SOX5: variants seen among roughly 807,000 people sequenced by gnomAD.
The protein encoded by SOX5 is transcription factor SOX-5.
In SOX5, 9 loss-of-function variants were observed where a neutral mutation model predicts 92.0. The ratio of observed to expected loss-of-function variants is 0.10; its 90% CI spans 0.06 to 0.17. SOX5 has a LOEUF of 0.17. Ranked by LOEUF, SOX5 falls within the 10% of genes least tolerant of loss-of-function variation. The pLI is 1.00. For missense variants in SOX5, 642 were observed against 944.5 expected (o/e 0.68, Z 4.20); for synonymous variants, 344 against 336.3 (o/e 1.02, Z -0.25).
At chr12:23,936,425 C>T (rs1942569952) in intron 1 of SOX5, among the ~76,000 whole-genome samples, 1 of 150,930 alleles carries the variant, frequency 6.6e-6, no homozygotes, top group African/African-American at 2.4e-5. Flanking sequence ...AAGAAAGTGA[C>T]AGTATTCATG....
At chr12:23,747,056 TG>T (rs1365210609) in intron 4 of SOX5, among the ~76,000 whole-genome samples, 1 of 152,106 alleles carries the variant, frequency 6.6e-6, no homozygotes, top group Non-Finnish European at 1.5e-5. Flanking sequence ...CTCTTTCTTT[TG>T]TAAATTGCCC....
chr12:24,508,293 G>A (rs1476208075), intron 1 of SOX5, among the ~76,000 whole-genome samples: 1 of 152,076 alleles, frequency 6.6e-6, no homozygotes, highest in East Asian at 1.9e-4. Flanking sequence ...TGAAAAAACT[G>A]CAGACAAAGA....
intron 1 of SOX5, among the ~76,000 whole-genome samples, chr12:24,519,867 GACTGAGGCACATT>G (rs967602606): frequency 1.3e-4 from 20 of 152,032 alleles, no homozygotes; most frequent in Non-Finnish European, 2.1e-4. Context: ...CAGAAAACTA[GACTGAGGCACATT>G]ACAATCAAAT....
At chr12:23,803,407 C>T (rs2095700149) in intron 3 of SOX5, among the ~76,000 whole-genome samples, 1 of 152,072 alleles carries the variant, frequency 6.6e-6, no homozygotes, top group Non-Finnish European at 1.5e-5. Flanking sequence ...CTTCACATAC[C>T]ATCTGTCACC....
intron 1 of SOX5, among the ~76,000 whole-genome samples, chr12:23,925,917 A>G (rs1036037942): frequency 1.3e-5 from 2 of 152,096 alleles, no homozygotes; most frequent in African/African-American, 4.8e-5. Flanking sequence ...ATAATGTGGC[A>G]CCAACCAATT....
intron 6 of SOX5, among the ~76,000 whole-genome samples, chr12:23,727,809 A>T (rs2093215760): frequency 1.3e-5 from 2 of 152,124 alleles, no homozygotes; most frequent in African/African-American, 4.8e-5. Flanking sequence ...CTTCTGAGTA[A>T]AAGAAGAGTA....
At chr12:24,083,264 A>T (rs1268422895) in intron 4 of SOX5, among the ~76,000 whole-genome samples, 1 of 152,056 alleles carries the variant, frequency 6.6e-6, no homozygotes, top group Non-Finnish European at 1.5e-5. Flanking sequence ...ACATGAAAAA[A>T]TTGTAATAGT....
intron 1 of SOX5, 83 bp downstream of exon 1, chr12:23,949,481 G>A: frequency 3.3e-6 from 5 of 1,536,750 alleles, no homozygotes; most frequent in Non-Finnish European, 4.5e-6. Context: ...ACGTTTTGGG[G>A]GAGCATCTTC....
At chr12:24,172,279 GT>G (rs1161725099) in intron 4 of SOX5, among the ~76,000 whole-genome samples, 1 of 152,118 alleles carries the variant, frequency 6.6e-6, no homozygotes, top group Non-Finnish European at 1.5e-5. Context: ...AGTCACGCCT[GT>G]AATCCCAGCA....
intron 2 of SOX5, among the ~76,000 whole-genome samples, chr12:24,296,250 C>G (rs931204043): frequency 6.6e-6 from 1 of 152,174 alleles, no homozygotes; most frequent in Non-Finnish European, 1.5e-5. Context: ...TCTGCCTCAT[C>G]ATTTCTCATG....
intron 4 of SOX5, among the ~76,000 whole-genome samples, chr12:24,083,207 T>C (rs1177679358): frequency 6.6e-6 from 1 of 152,008 alleles, no homozygotes; most frequent in Non-Finnish European, 1.5e-5. Flanking sequence ...CTCTTCACCA[T>C]AAGATTAAGC....
chr12:24,397,385 A>G (rs893007071), intron 1 of SOX5, among the ~76,000 whole-genome samples: 1 of 152,202 alleles, frequency 6.6e-6, no homozygotes, highest in African/African-American at 2.4e-5. Context: ...GAGAAAGTAG[A>G]AATTCTTCTT....
intron 4 of SOX5, among the ~76,000 whole-genome samples, chr12:23,958,457 G>T (rs1308368265): frequency 3.3e-5 from 5 of 151,806 alleles, no homozygotes; most frequent in Non-Finnish European, 7.4e-5. Flanking sequence ...CAATTATCAA[G>T]TTCTTATAAC....
chr12:24,057,451 G>A (rs1958246591), intron 4 of SOX5, among the ~76,000 whole-genome samples: 2 of 152,008 alleles, frequency 1.3e-5, no homozygotes, highest in African/African-American at 2.4e-5. Context: ...ACACTTTTGT[G>A]TTATATAAAA....
At chr12:24,538,179 T>A (rs1951806552) in intron 1 of SOX5, among the ~76,000 whole-genome samples, 1 of 152,168 alleles carries the variant, frequency 6.6e-6, no homozygotes, top group African/African-American at 2.4e-5. Context: ...ACTGACTGCA[T>A]TTACTGCTTT....
At position 24,090,506 on chromosome 12, in the gene SOX5, T is replaced by A. The variant is rs374185291; in HGVS notation, c.-2+122837A>T. ...AAAATTATATATTAGTACAATTCCA[T>A]GAAAAGAAAATATTTAAAAGTGAGA... On this transcript the variant is annotated intron_variant, in intron 4 of 4. Coordinates refer to the SOX5 transcript ENST00000446891. 3.2e-3 allele frequency among the ~76,000 whole-genome samples: 494 copies of A among 152,182 alleles called. 3 individuals are homozygous for A. Among genetic ancestry groups the A allele is most frequent in the African/African-American group, 0.011 (473 of 41,520 alleles).
intron 2 of SOX5, among the ~76,000 whole-genome samples, chr12:23,858,386 T>C (rs2096718631): frequency 6.6e-6 from 1 of 151,866 alleles, no homozygotes; most frequent in African/African-American, 2.4e-5. Flanking sequence ...GCAAGGGACA[T>C]GAACAAACAC....
At chr12:23,905,868 T>C (rs1196158439) in intron 1 of SOX5, among the ~76,000 whole-genome samples, 1 of 152,178 alleles carries the variant, frequency 6.6e-6, no homozygotes, top group Non-Finnish European at 1.5e-5. Flanking sequence ...TCTGCCTAAC[T>C]TTACCTTCGA....
intron 1 of SOX5, among the ~76,000 whole-genome samples, chr12:24,371,508 TA>T (rs1956741272): frequency 6.6e-6 from 1 of 152,222 alleles, no homozygotes; most frequent in South Asian, 2.1e-4. Flanking sequence ...TAATTTGTTA[TA>T]CAGGATCACA....
Sources: allele counts gnomAD v4.1 joint callset (sites outside exome capture counted in the v4.1 genomes callset), GRCh38; gene constraint gnomAD v4.1.1; transcripts MANE v1.5; gene names NCBI Gene and HGNC (gene_info 2026-07-23, HGNC 2026-07-21).